PCAT7: variants seen among roughly 807,000 people sequenced by gnomAD.
The protein encoded by PCAT7 is prostate cancer associated transcript 7 (non-protein coding).
intron 2 of PCAT7, among the ~76,000 whole-genome samples, chr9:94,559,686 G>A (rs1229041375): frequency 2.6e-5 from 4 of 152,110 alleles, no homozygotes; most frequent in African/African-American, 9.7e-5. Flanking sequence ...TTGACCCTTA[G>A]ACTAAGTGAA....
exon 3 of PCAT7, chr9:94,573,012 C>T (rs894818858): frequency 1.3e-5 from 2 of 152,134 alleles, no homozygotes; most frequent in African/African-American, 2.4e-5. Flanking sequence ...ACCATCATGT[C>T]GTCTGCAAGA....
intron 2 of PCAT7, chr9:94,563,418 A>C: frequency 6.2e-7 from 1 of 1,614,050 alleles, no homozygotes; most frequent in Non-Finnish European, 8.5e-7. Context: ...CACGTCAGCC[A>C]CCATGGAGCC....
At chr9:94,570,000 C>G (rs1033271741) in intron 2 of PCAT7, 1 of 152,206 alleles carries the variant, frequency 6.6e-6, no homozygotes, top group Non-Finnish European at 1.5e-5. Flanking sequence ...GGTCTTTGCT[C>G]AAATGTCCTT....
upstream of PCAT7, among the ~76,000 whole-genome samples, chr9:94,554,605 T>A (rs900797972): frequency 5.3e-5 from 8 of 150,016 alleles, no homozygotes; most frequent in Non-Finnish European, 1.0e-4. Flanking sequence ...CGGTCTCTGA[T>A]TTCACCACCA....
chr9:94,571,545 C>T (rs1827269573), intron 2 of PCAT7: 1 of 1,613,934 alleles, frequency 6.2e-7, no homozygotes, highest in Non-Finnish European at 8.5e-7. Context: ...TAACCTGCGG[C>T]CACAATATTG....
At chr9:94,566,568 T>C (rs1309399366) in intron 2 of PCAT7, among the ~76,000 whole-genome samples, 1 of 152,234 alleles carries the variant, frequency 6.6e-6, no homozygotes, top group African/African-American at 2.4e-5. Context: ...TAAATCTGTT[T>C]GGGGCTCTCA....
intron 1 of PCAT7, among the ~76,000 whole-genome samples, chr9:94,556,317 G>A (rs915118578): frequency 6.6e-6 from 1 of 151,954 alleles, no homozygotes; most frequent in African/African-American, 2.4e-5. Flanking sequence ...AAAAAAATAC[G>A]GTGGGAGAAA....
At chr9:94,572,322 G>GAC (rs149084114) in intron 2 of PCAT7, among the ~76,000 whole-genome samples, 5 of 151,872 alleles carry the variant, frequency 3.3e-5, no homozygotes, top group South Asian at 2.1e-4. Context: ...CGTCTCCCAC[G>GAC]ACACACACAC....
At chr9:94,569,857 C>CA (rs1827247636) in intron 2 of PCAT7, 1 of 152,264 alleles carries the variant, frequency 6.6e-6, no homozygotes, top group South Asian at 2.1e-4. Flanking sequence ...ACAGACCTCA[C>CA]AGGCTCAGTT....
At chr9:94,560,994 TG>T (rs1399504140) in intron 2 of PCAT7, among the ~76,000 whole-genome samples, 1 of 152,024 alleles carries the variant, frequency 6.6e-6, no homozygotes, top group Non-Finnish European at 1.5e-5. Flanking sequence ...GCGGGCTGTC[TG>T]GGGGCAGATA....
intron 2 of PCAT7, among the ~76,000 whole-genome samples, chr9:94,562,579 A>G (rs777973550): frequency 2.6e-5 from 4 of 152,156 alleles, no homozygotes; most frequent in Non-Finnish European, 5.9e-5. Context: ...TCAAATCTCA[A>G]GGTGACTCTG....
At chr9:94,566,036 GTTC>G (rs1430206997) in intron 2 of PCAT7, among the ~76,000 whole-genome samples, 2 of 152,218 alleles carry the variant, frequency 1.3e-5, no homozygotes, top group Non-Finnish European at 2.9e-5. Context: ...TCACCGTAGA[GTTC>G]TTCTCCACCA....
chr9:94,569,315 C>G (rs1459414292), intron 2 of PCAT7: 1 of 152,300 alleles, frequency 6.6e-6, no homozygotes, highest in Non-Finnish European at 1.5e-5. Flanking sequence ...GCTTCCTGGT[C>G]CTCTAGTCCT....
chr9:94,559,009 G>A (rs1827051848), exon 2 of PCAT7: 2 of 1,614,036 alleles, frequency 1.2e-6, no homozygotes, highest in South Asian at 1.1e-5. Flanking sequence ...CCCAGAATGA[G>A]GGGGACTCGC....
intron 2 of PCAT7, among the ~76,000 whole-genome samples, chr9:94,571,967 C>T (rs767141811): frequency 6.6e-6 from 1 of 152,180 alleles, no homozygotes; most frequent in Non-Finnish European, 1.5e-5. Flanking sequence ...TCACTCTGCA[C>T]ACTCAACAGC....
chr9:94,574,150 A>G (rs1827294996), intron 3 of PCAT7, among the ~76,000 whole-genome samples: 1 of 152,226 alleles, frequency 6.6e-6, no homozygotes, highest in South Asian at 2.1e-4. Flanking sequence ...TTAACAATCT[A>G]CTGCATAAAT....
At chr9:94,559,048 G>A (rs759006995) in exon 2 of PCAT7, 2 of 1,614,162 alleles carry the variant, frequency 1.2e-6, no homozygotes, top group East Asian at 2.2e-5. Context: ...TTCACGTCCA[G>A]TACAGGCTGG....
At chr9:94,564,232 C>T (rs117360233) in intron 2 of PCAT7, among the ~76,000 whole-genome samples, 4,273 of 152,262 alleles carry the variant, frequency 0.028, 76 homozygotes, top group Non-Finnish European at 0.045. Flanking sequence ...CACAATCAGA[C>T]GTAAAACAAT....
At chr9:94,570,386 T>A (rs907767205) in intron 2 of PCAT7, 6 of 152,186 alleles carry the variant, frequency 3.9e-5, no homozygotes, top group Admixed American at 2.0e-4. Flanking sequence ...TTACTCACTC[T>A]CTCTACGCCT....
Sources: gnomAD v4.1 joint callset for allele counts (sites outside exome capture counted in the v4.1 genomes callset) on GRCh38, gnomAD v4.1.1 for gene constraint, MANE v1.5 for transcripts, NCBI Gene and HGNC (gene_info 2026-07-23, HGNC 2026-07-21) for gene names.